RPSA2: variants seen among roughly 807,000 people sequenced by gnomAD.
RPSA2 encodes ribosomal protein SA 2.
At chr19:23,804,656 CAG>C in the RPSA2 span, among the ~76,000 whole-genome samples, 7 of 151,916 alleles carry the variant, frequency 4.6e-5, no homozygotes, top group Non-Finnish European at 1.0e-4. Flanking sequence ...TCAGCACTGA[CAG>C]GGGACTTCTT....
chr19:23,808,872 G>A, the RPSA2 span: 2 of 462,182 alleles, frequency 4.3e-6, no homozygotes, highest in Non-Finnish European at 7.6e-6. Flanking sequence ...CAAGAAGAAA[G>A]CAAGTCTTTA....
chr19:23,832,802 A>T, the RPSA2 span: 1 of 1,577,132 alleles, frequency 6.3e-7, no homozygotes, highest in Non-Finnish European at 8.6e-7. Context: ...GAGAAACCCT[A>T]CAAATGTGAA....
chr19:23,778,957 C>T, the RPSA2 span, among the ~76,000 whole-genome samples: 5 of 150,212 alleles, frequency 3.3e-5, no homozygotes, highest in Non-Finnish European at 7.4e-5. Context: ...TTGACTGACT[C>T]TCCTGCCTGG....
chr19:23,789,283 G>A, the RPSA2 span, among the ~76,000 whole-genome samples: 7 of 152,144 alleles, frequency 4.6e-5, no homozygotes, highest in Admixed American at 1.3e-4. Context: ...TAACTGGCAT[G>A]AGCCACTGCA....
chr19:23,864,537 A>G, the RPSA2 span, among the ~76,000 whole-genome samples: 5 of 152,170 alleles, frequency 3.3e-5, no homozygotes, highest in Non-Finnish European at 5.9e-5. Context: ...TACATCACCC[A>G]ACAGACAGCA....
At chr19:23,790,627 T>C in the RPSA2 span, 5 of 280,952 alleles carry the variant, frequency 1.8e-5, no homozygotes, top group African/African-American at 9.2e-5. Flanking sequence ...TTGGGGGGAC[T>C]GTGTCTCTAG....
the RPSA2 span, chr19:23,798,818 T>G: frequency 6.8e-6 from 1 of 146,786 alleles, no homozygotes; most frequent in Non-Finnish European, 1.5e-5. Context: ...GTAGGACAAA[T>G]AAAGACAGAT....
the RPSA2 span, among the ~76,000 whole-genome samples, chr19:23,841,953 A>C: frequency 1.3e-5 from 2 of 152,150 alleles, no homozygotes. Context: ...CTTTGTTTAT[A>C]CTTTGCTTTG....
the RPSA2 span, among the ~76,000 whole-genome samples, chr19:23,869,772 G>GCTTTTCACAAACTACTGTTTGTTTCACTA: frequency 6.6e-6 from 1 of 152,176 alleles, no homozygotes; most frequent in Admixed American, 6.5e-5. Context: ...AAGCAGCACT[G>GCTTTTCACAAACTACTGTTTGTTTCACTA]CTGTTCACAA....
the RPSA2 span, among the ~76,000 whole-genome samples, chr19:23,780,971 G>A: frequency 6.6e-6 from 1 of 152,200 alleles, no homozygotes; most frequent in Admixed American, 6.5e-5. Context: ...TTTGTCCACA[G>A]TTGGGTTAGT....
the RPSA2 span, among the ~76,000 whole-genome samples, chr19:23,866,261 C>A: frequency 6.6e-6 from 1 of 152,216 alleles, no homozygotes; most frequent in Admixed American, 6.5e-5. Flanking sequence ...TATCGCATGG[C>A]TGCAAGATGC....
chr19:23,866,034 C>T, the RPSA2 span, among the ~76,000 whole-genome samples: 105 of 152,236 alleles, frequency 6.9e-4, no homozygotes, highest in African/African-American at 2.1e-3. Context: ...TAGGCAGAAT[C>T]GCACCGCTCT....
chr19:23,781,269 G>T, the RPSA2 span, among the ~76,000 whole-genome samples: 1 of 150,598 alleles, frequency 6.6e-6, no homozygotes, highest in Non-Finnish European at 1.5e-5. Context: ...GCCATGCGTG[G>T]CCTCGGGTTA....
chr19:23,851,810 T>G, the RPSA2 span, among the ~76,000 whole-genome samples: 1 of 152,224 alleles, frequency 6.6e-6, no homozygotes, highest in Non-Finnish European at 1.5e-5. Flanking sequence ...TAAGTCATTT[T>G]TATAAAATCA....
chr19:23,761,927 T>TCCTTCCTTCC, the RPSA2 span, among the ~76,000 whole-genome samples: 148 of 62,392 alleles, frequency 2.4e-3, 16 homozygotes, highest in Middle Eastern at 6.2e-3. Context: ...TTTCTTTTTT[T>TCCTTCCTTCC]TTTTTTTTGA....
the RPSA2 span, among the ~76,000 whole-genome samples, chr19:23,802,166 C>T: frequency 1.3e-3 from 197 of 152,288 alleles, no homozygotes; most frequent in Admixed American, 2.3e-3. Flanking sequence ...GACCTTTTCA[C>T]ATTGCTACCT....
the RPSA2 span, among the ~76,000 whole-genome samples, chr19:23,774,166 C>T: frequency 6.6e-6 from 1 of 152,164 alleles, no homozygotes; most frequent in Non-Finnish European, 1.5e-5. Context: ...CTTGGCACTG[C>T]CCACAGAATG....
the RPSA2 span, among the ~76,000 whole-genome samples, chr19:23,858,480 G>A: frequency 7.2e-5 from 11 of 152,172 alleles, no homozygotes; most frequent in Admixed American, 7.2e-4. Context: ...TGTTTCCCAT[G>A]ACATTAACTG....
chr19:23,798,601 AT>A, the RPSA2 span, among the ~76,000 whole-genome samples: 2 of 152,154 alleles, frequency 1.3e-5, no homozygotes, highest in African/African-American at 2.4e-5. Flanking sequence ...AGTTACAGAA[AT>A]TTTTTAAAAA....
Sources: gnomAD v4.1 joint callset for allele counts (sites outside exome capture counted in the v4.1 genomes callset) on GRCh38, gnomAD v4.1.1 for gene constraint, MANE v1.5 for transcripts, NCBI Gene and HGNC (gene_info 2026-07-23, HGNC 2026-07-21) for gene names.